Variants in OR1B1 observed in about 807,000 individuals in gnomAD.
OR1B1 encodes olfactory receptor family 1 subfamily B member 1, also known as olfactory receptor 1B1.
For missense variants in OR1B1, 414 were observed against 402.1 expected, an observed-to-expected ratio of 1.03 and a Z score of -0.25; for synonymous variants, 168 against 156.2, an observed-to-expected ratio of 1.08 and a Z score of -0.57.
the OR1B1 span, among the ~76,000 whole-genome samples, chr9:122,635,488 T>C: frequency 6.6e-6 from 1 of 152,204 alleles, no homozygotes; most frequent in African/African-American, 2.4e-5. Context: ...TGTATACTTC[T>C]ATCATGGAAA....
exon 1 of OR1B1, chr9:122,629,358 G>C: frequency 6.2e-7 from 1 of 1,614,110 alleles, no homozygotes; most frequent in Non-Finnish European, 8.5e-7. Context: ...TAATACATGG[G>C]TGAGTGCAGT....
upstream of OR1B1, among the ~76,000 whole-genome samples, chr9:122,630,271 A>G (rs1450708088): frequency 6.6e-6 from 1 of 152,212 alleles, no homozygotes; most frequent in African/African-American, 2.4e-5. Context: ...CTGCTTTAGA[A>G]TGTCATGAAA....
At chr9:122,643,601 A>C in the OR1B1 span, among the ~76,000 whole-genome samples, 2 of 152,218 alleles carry the variant, frequency 1.3e-5, no homozygotes, top group African/African-American at 2.4e-5. Context: ...CCAGTGAACT[A>C]GGGTGGCACG....
At chr9:122,629,421 T>C (rs773709610) in exon 1 of OR1B1, 10 of 1,613,740 alleles carry the variant, frequency 6.2e-6, no homozygotes, top group Non-Finnish European at 8.5e-6. Context: ...AGTATGGTGG[T>C]CAGGTAAATA....
chr9:122,637,784 T>G, the OR1B1 span, among the ~76,000 whole-genome samples: 1 of 152,214 alleles, frequency 6.6e-6, no homozygotes, highest in Non-Finnish European at 1.5e-5. Context: ...TTTGAAGTTT[T>G]TTAAGATTCA....
chr9:122,640,972 A>AT, the OR1B1 span, among the ~76,000 whole-genome samples: 1 of 152,220 alleles, frequency 6.6e-6, no homozygotes, highest in Non-Finnish European at 1.5e-5. Context: ...AAGAAGAATA[A>AT]ATATTAGATG....
chr9:122,641,817 A>AT, the OR1B1 span, among the ~76,000 whole-genome samples: 2 of 152,194 alleles, frequency 1.3e-5, no homozygotes, highest in Admixed American at 1.3e-4. Flanking sequence ...CCATTTCACA[A>AT]GGTATGCAAA....
At chr9:122,649,702 C>G in the OR1B1 span, among the ~76,000 whole-genome samples, 1 of 152,142 alleles carries the variant, frequency 6.6e-6, no homozygotes, top group Non-Finnish European at 1.5e-5. Flanking sequence ...CAATGAGATA[C>G]CATTTCACAC....
the OR1B1 span, among the ~76,000 whole-genome samples, chr9:122,641,246 ATGTGTATATG>A: frequency 1.3e-5 from 2 of 152,210 alleles, no homozygotes; most frequent in African/African-American, 2.4e-5. Flanking sequence ...GTGTGCATGT[ATGTGTATATG>A]TGTGTATAAG....
chr9:122,649,835 G>A, the OR1B1 span, among the ~76,000 whole-genome samples: 1 of 152,238 alleles, frequency 6.6e-6, no homozygotes, highest in African/African-American at 2.4e-5. Context: ...GTGGAAGACA[G>A]TGTGGCAATT....
chr9:122,629,528 C>T lies in OR1B1; in HGVS notation c.8G>A (p.Ser3Asn), dbSNP rs148803298. The stretch of plus-strand genomic sequence containing the variant: ...AGAGTGTGAAGCATTAGGGGCAAAG[C>T]TCATCATGAGTGACAGTCAGCCTGC... Residue 3 changes from serine (S) to asparagine (N), a missense_variant, in exon 1 of 1, where the codon AGC (serine) becomes AAC (asparagine). Transcript: ENST00000623530. The T allele has an allele frequency of 6.1e-5, 98 of 1,597,722 alleles. No individual in the cohort carries two copies. The African/African-American group carries it at 1.2e-3, about 19-fold the overall frequency.
At chr9:122,656,512 A>G in the OR1B1 span, among the ~76,000 whole-genome samples, 4 of 152,172 alleles carry the variant, frequency 2.6e-5, no homozygotes, top group Non-Finnish European at 5.9e-5. Flanking sequence ...AGTCTGACCC[A>G]ACTTCCTCTC....
chr9:122,642,209 G>A, the OR1B1 span, among the ~76,000 whole-genome samples: 26 of 152,116 alleles, frequency 1.7e-4, no homozygotes, highest in Non-Finnish European at 2.9e-4. Context: ...TGCTATGAAG[G>A]CATAAAGGAG....
At chr9:122,646,282 A>C in the OR1B1 span, among the ~76,000 whole-genome samples, 1 of 152,144 alleles carries the variant, frequency 6.6e-6, no homozygotes, top group Non-Finnish European at 1.5e-5. Context: ...GAAGGAAAAA[A>C]AGAAAGAGAA....
chr9:122,634,947 A>G, the OR1B1 span, among the ~76,000 whole-genome samples: 6 of 152,228 alleles, frequency 3.9e-5, no homozygotes, highest in African/African-American at 1.4e-4. Flanking sequence ...AAATTGGTGC[A>G]TCCATTATGG....
At chr9:122,628,645 G>C in exon 1 of OR1B1, 1 of 1,614,006 alleles carries the variant, frequency 6.2e-7, no homozygotes, top group Non-Finnish European at 8.5e-7. Context: ...TATTGTGGAG[G>C]CTATACACAA....
At chr9:122,642,279 G>T in the OR1B1 span, among the ~76,000 whole-genome samples, 1 of 152,154 alleles carries the variant, frequency 6.6e-6, no homozygotes, top group Non-Finnish European at 1.5e-5. Flanking sequence ...GATAGAGAAA[G>T]ACAATAATTT....
chr9:122,637,330 A>G, the OR1B1 span: 3 of 152,186 alleles, frequency 2.0e-5, no homozygotes, highest in Non-Finnish European at 4.4e-5. Flanking sequence ...GAGACCACCT[A>G]TAGGTAACTA....
exon 1 of OR1B1, chr9:122,629,240 C>A: frequency 6.2e-7 from 1 of 1,614,062 alleles, no homozygotes; most frequent in Non-Finnish European, 8.5e-7. Flanking sequence ...CTGAGCCAAG[C>A]AGCGGGCAGC....
Sources: allele counts gnomAD v4.1 joint callset (sites outside exome capture counted in the v4.1 genomes callset), GRCh38; gene constraint gnomAD v4.1.1; transcripts MANE v1.5; gene names NCBI Gene and HGNC (gene_info 2026-07-23, HGNC 2026-07-21).